HIP1R: variants seen among roughly 807,000 people sequenced by gnomAD.
The protein encoded by HIP1R is huntingtin-interacting protein 1-related protein.
A neutral mutation model predicts 144.2 loss-of-function variants in HIP1R; 135 were observed. The observed-to-expected ratio is 0.94, with a 90% CI of 0.81 to 1.08. The LOEUF is 1.08. Among genes scored for constraint, HIP1R ranks in the 50% least tolerant of loss-of-function variants. The pLI is 0.00. For missense variants in HIP1R, 1,462 were observed against 1,432.8 expected (o/e 1.02, Z -0.33); for synonymous variants, 698 against 612.8 (o/e 1.14, Z -2.05).
At chr12:122,856,571 C>T (rs1357132545) in intron 16 of HIP1R, 23 bp downstream of exon 16, 9 of 1,596,450 alleles carry the variant, frequency 5.6e-6, no homozygotes, top group Non-Finnish European at 6.8e-6. Flanking sequence ...TGGCACAGGG[C>T]CCTGCCCCGG....
intron 18 of HIP1R, chr12:122,857,690 C>G: frequency 7.3e-6 from 2 of 274,858 alleles, no homozygotes; most frequent in Non-Finnish European, 1.4e-5. Flanking sequence ...CCATTTTACA[C>G]TCCCACCAGC....
At chr12:122,857,984 T>A in intron 18 of HIP1R, 118 bp from the exon 19 acceptor site, 1 of 855,502 alleles carries the variant, frequency 1.2e-6, no homozygotes, top group South Asian at 1.9e-5. Flanking sequence ...TCCACCCCCC[T>A]GACCAGTGAG....
In HIP1R at chr12:122,836,538, G is replaced by A. The variant is rs377085616; in HGVS notation, c.93+895G>A. On this transcript the variant is annotated intron_variant, in intron 1 of 31. Coordinates refer to ENST00000253083, the MANE Select transcript of HIP1R (RefSeq NM_003959.3). The surrounding 1 kb of genome is among the most constrained non-coding windows in gnomAD (Gnocchi z 4.1). ...GCTTTTTATTTTACAAACTCTTGAA[G>A]TGCTCTCAGGCTTGGGGGATGGGCG... Among the ~76,000 whole-genome samples, 2 of 152,136 alleles carry A rather than the reference G, an allele frequency of 1.3e-5. No homozygotes were observed. The highest frequency in any genetic ancestry group is 4.8e-5 in the African/African-American group (2 of 41,406).
At chr12:122,858,804 C>A (rs531536014) in intron 20 of HIP1R, 34 bp from the exon 21 acceptor site, 6 of 1,435,208 alleles carry the variant, frequency 4.2e-6, no homozygotes, top group Non-Finnish European at 5.9e-6. Context: ...TCAGTGTCAT[C>A]CTCCCCCAAC....
rs767076197 is a variant in HIP1R, at chr12:122,851,229, T to C, written c.516-7T>C. On this transcript the variant is annotated splice_polypyrimidine_tract_variant and splice_region_variant and intron_variant, in intron 6 of 31. Coordinates refer to ENST00000253083, the MANE Select transcript of HIP1R (RefSeq NM_003959.3). Reference sequence around the variant, plus strand: ...TTTTCATTTCTTCCCCCACTTCTCTTGCGTAGCTTCCAGCTCACTGTGGAG... The same window carrying C: ...TTTTCATTTCTTCCCCCACTTCTCTCGCGTAGCTTCCAGCTCACTGTGGAG... The C allele has an allele frequency of 6.6e-7, 1 of 1,504,344 alleles. No individual in the cohort carries two copies. Among genetic ancestry groups the C allele is most frequent in the Non-Finnish European group, 8.8e-7 (1 of 1,132,924 alleles). The allele number at this position is 1,504,344 out of a possible 1,614,324, so 93.2% of individuals were successfully genotyped here. A position where few individuals can be genotyped will look rare whatever the true frequency, so the allele number is the denominator to read the frequency against.
chr12:122,860,346 G>T, intron 26 of HIP1R, 77 bp from the exon 27 acceptor site: 3 of 1,541,890 alleles, frequency 1.9e-6, no homozygotes, highest in African/African-American at 1.4e-5. Context: ...GTGAGGGGGA[G>T]AGGGCCCTTG....
At chr12:122,854,331 A>T in intron 8 of HIP1R, 148 bp downstream of exon 8, 5 of 361,542 alleles carry the variant, frequency 1.4e-5, no homozygotes, top group East Asian at 4.4e-5. Flanking sequence ...GAAATAACAT[A>T]TATTTTATGA....
Position 122,856,484 on chromosome 12 carries a change from T to C in HIP1R, c.1454T>C (p.Val485Ala), listed in dbSNP as rs778880082. 4.4e-6 allele frequency: 7 copies of C among 1,588,064 alleles called. No individual in the cohort carries two copies. The highest frequency in any genetic ancestry group is 6.0e-6 in the Non-Finnish European group (7 of 1,166,980). ...LTVTQQSQEEVARVKEQLAFQ... is the reference protein window; with the variant it reads ...LTVTQQSQEEAARVKEQLAFQ... ...GTGACGCAGCAAAGCCAGGAGGAGG[T>C]GGCGCGGGTGAAGGAGCAGCTGGCC... The change falls in exon 16 of 32, where the codon GTG (valine) becomes GCG (alanine). Residue 485 changes from valine (V) to alanine (A), a missense_variant. Val to Ala is a moderately conservative substitution (Grantham distance 64). Around this residue, in one of 2 missense-constraint regions of HIP1R, gnomAD observed 1,112 missense variants for 1,011.7 expected, o/e 1.10. Transcript: ENST00000253083.
chr12:122,859,952 C>T (rs2135677959), intron 24 of HIP1R, 95 bp from the exon 25 acceptor site: 1 of 1,459,446 alleles, frequency 6.9e-7, no homozygotes, highest in East Asian at 2.3e-5. Context: ...GACACTCCCT[C>T]CCCACCTGCT....
chr12:122,858,709 G>A, intron 20 of HIP1R, 129 bp from the exon 21 acceptor site: 2 of 743,490 alleles, frequency 2.7e-6, no homozygotes, highest in Non-Finnish European at 4.7e-6. Context: ...ACTGCCTCCT[G>A]GACGTTGTCT....
chr12:122,838,611 AAG>A (rs1192162722), intron 1 of HIP1R, among the ~76,000 whole-genome samples: 1 of 152,200 alleles, frequency 6.6e-6, no homozygotes, highest in Non-Finnish European at 1.5e-5. Flanking sequence ...TGTAAGGTGT[AAG>A]AGAGAGACCG....
At position 122,857,203 on chromosome 12, in the gene HIP1R, G is replaced by A; in HGVS notation, c.1803G>A (p.Arg601=). Residue 601 remains arginine, a synonymous_variant, in exon 18 of 32, where the codon CGG becomes CGA. Transcript: ENST00000253083. ...AGGAGCAGGGCGAGTTGCAGGGCCG[G>A]CTGGCAGAGAGGGTATGGCCTCCCC... ...SSQEQGELQG[R]LAERESQEQG... is the part of the protein sequence containing the mutation. 6.4e-7 allele frequency: 1 copy of A among 1,550,406 alleles called. No individual in the cohort carries two copies. Among genetic ancestry groups the A allele is most frequent in the Non-Finnish European group, 8.7e-7 (1 of 1,146,840 alleles).
chr12:122,861,359 G>A lies in HIP1R; in HGVS notation c.3004G>A (p.Gly1002Arg), dbSNP rs867807167. Residue 1002 changes from glycine to arginine, a missense_variant, in exon 31 of 32, where the codon GGG (glycine) becomes AGG (arginine). By Grantham distance (125) the Gly-to-Arg change is moderately radical (BLOSUM62 -2). This residue lies in a region of HIP1R where 1,112 missense variants were observed against 1,011.7 expected (regional missense o/e 1.10). Transcript: ENST00000253083. The stretch of plus-strand genomic sequence containing the variant: ...GCTGGAGGCTGAACGCATGCGGCTG[G>A]GGGAGTTGCGGAAGCAACACTACGT... ...KTLEAERMRLGELRKQHYVLA... is the reference protein window; with the variant it reads ...KTLEAERMRLRELRKQHYVLA... 14 of 1,613,684 alleles carry A rather than the reference G, an allele frequency of 8.7e-6. No individual in the cohort carries two copies. The highest frequency in any genetic ancestry group is 1.3e-5 in the African/African-American group (1 of 75,026).
Position 122,848,657 on chromosome 12 carries a change from G to A in HIP1R, c.300+49G>A, listed in dbSNP as rs2292133. The stretch of plus-strand genomic sequence containing the variant: ...CTCCCCGGAGCTGGGGCACTGTCCC[G>A]CGGACATGCGGGCTCTGGCCCTGTT... On this transcript the variant is annotated intron_variant, in intron 3 of 31. Coordinates refer to ENST00000253083, the MANE Select transcript of HIP1R (RefSeq NM_003959.3). 3,685 of 1,595,120 alleles carry A rather than the reference G, an allele frequency of 2.3e-3. 78 individuals are homozygous for A. The East Asian group carries it at 0.034, about 15-fold the overall frequency.
At position 122,841,986 on chromosome 12, in the gene HIP1R, C is replaced by T. The variant is rs73421649; in HGVS notation, c.94-6045C>T. On this transcript the variant is annotated intron_variant, in intron 1 of 31. Transcript: ENST00000253083. ...GAGGGGAGATACAGGTTAAATGGAG[C>T]GGAGCAGTTGCCCCTGACTTCCTGT... is the stretch of plus-strand genomic sequence containing the variant. 4.7e-3 allele frequency among the ~76,000 whole-genome samples: 723 copies of T among 152,246 alleles called. 7 individuals carry two copies. Among genetic ancestry groups the T allele is most frequent in the African/African-American group, 0.016 (682 of 41,546 alleles).
Position 122,856,724 on chromosome 12 carries a change from C to T in HIP1R, c.1618C>T (p.Gln540Ter). The T allele has an allele frequency of 6.4e-7, 1 of 1,570,638 alleles. No individual in the cohort carries two copies. The highest frequency in any genetic ancestry group is 8.6e-7 in the Non-Finnish European group (1 of 1,158,146). ...RAQEALSHTEQSKSELSSRLD... is the reference protein window; with the variant it reads ...RAQEALSHTE ...GCAGGAGGCCCTGAGCCACACAGAG[C>T]AGGTGCATCTGGCTTTGATGACTGG... Residue 540 changes from glutamine to a stop codon, truncating the protein, a stop_gained and splice_region_variant, in exon 17 of 32, where the codon CAG becomes TAG. Transcript: ENST00000253083. LOFTEE classifies it high-confidence loss of function.
chr12:122,841,137 C>T (rs79701061), intron 1 of HIP1R, among the ~76,000 whole-genome samples: 3,481 of 152,264 alleles, frequency 0.023, 112 homozygotes, highest in African/African-American at 0.079. Context: ...GCCCCCTCCC[C>T]GCCCAACTTG....
chr12:122,848,207 C>G lies in HIP1R; in HGVS notation c.157+113C>G, dbSNP rs1443950257. The stretch of plus-strand genomic sequence containing the variant: ...GGGGTCACAAGTTCCCTCACTGAGC[C>G]CGGGGAGGAGGGTCCTGTGCAGCTT... On this transcript the variant is annotated intron_variant, in intron 2 of 31. Coordinates refer to ENST00000253083, the MANE Select transcript of HIP1R (RefSeq NM_003959.3). The G allele has an allele frequency of 3.4e-6, 4 of 1,187,966 alleles. No individual in the cohort carries two copies. In the African/African-American group the frequency reaches 6.0e-5, roughly 18 times the overall value. The allele number at this position is 1,187,966 out of a possible 1,614,324, so 73.6% of individuals were successfully genotyped here. A position where few individuals can be genotyped will look rare whatever the true frequency, so the allele number is the denominator to read the frequency against.
At chr12:122,838,516 C>T (rs1335110261) in intron 1 of HIP1R, among the ~76,000 whole-genome samples, 5 of 151,922 alleles carry the variant, frequency 3.3e-5, no homozygotes, top group Admixed American at 6.6e-5. Flanking sequence ...AGCCTGTGTC[C>T]CTGGCAAGTT....
Sources: gnomAD v4.1 joint callset for allele counts (sites outside exome capture counted in the v4.1 genomes callset) on GRCh38, gnomAD v4.1.1 for gene constraint, gnomAD v4.1.1 regional missense constraint, Gnocchi (gnomAD v3.1) non-coding constraint, MANE v1.5 for transcripts, NCBI Gene and HGNC (gene_info 2026-07-23, HGNC 2026-07-21) for gene names.